Variants in MAPK10 observed in about 807,000 individuals in gnomAD.
MAPK10 encodes mitogen-activated protein kinase 10, also known as JNK3 alpha protein kinase.
In MAPK10, 25 loss-of-function variants were observed where a neutral mutation model predicts 59.3. The observed-to-expected ratio is 0.42, with a 90% CI of 0.31 to 0.59. MAPK10 has a LOEUF of 0.59. Ranked by LOEUF, MAPK10 falls within the 20% of genes least tolerant of loss-of-function variation. The pLI, the probability that MAPK10 is intolerant of heterozygous loss-of-function variation, is 0.15. For synonymous variants in MAPK10, 190 were observed against 200.5 expected (o/e 0.95, Z 0.44); for missense variants, 351 against 568.9 (o/e 0.62, Z 3.90).
intron 1 of MAPK10, among the ~76,000 whole-genome samples, chr4:86,514,077 A>T (rs574213149): frequency 1.7e-4 from 26 of 152,186 alleles, no homozygotes; most frequent in Non-Finnish European, 3.2e-4. Flanking sequence ...AAAGATCCTG[A>T]TCCAAAGGGG....
intron 1 of MAPK10, among the ~76,000 whole-genome samples, chr4:86,420,270 G>A (rs1392822554): frequency 6.6e-6 from 1 of 152,164 alleles, no homozygotes; most frequent in Non-Finnish European, 1.5e-5. Flanking sequence ...ATTTTCCTAA[G>A]TATTGGAATA....
At chr4:86,282,623 A>G (rs1036178298) in intron 2 of MAPK10, among the ~76,000 whole-genome samples, 4 of 152,224 alleles carry the variant, frequency 2.6e-5, no homozygotes, top group Admixed American at 2.6e-4. Flanking sequence ...TGGCACCAAG[A>G]GGGGAAAGAG....
intron 1 of MAPK10, among the ~76,000 whole-genome samples, chr4:86,405,249 C>T (rs2149021225): frequency 6.6e-6 from 1 of 152,190 alleles, no homozygotes; most frequent in East Asian, 1.9e-4. Flanking sequence ...AAGATGATCT[C>T]TCATATTTTA....
At chr4:86,583,335 C>T (rs931890693) in intron 1 of MAPK10, among the ~76,000 whole-genome samples, 4 of 151,932 alleles carry the variant, frequency 2.6e-5, no homozygotes, top group Non-Finnish European at 1.5e-5. Flanking sequence ...CATATATTTT[C>T]AATCCCTTCA....
intron 1 of MAPK10, among the ~76,000 whole-genome samples, chr4:86,559,017 T>G (rs911298361): frequency 3.9e-5 from 6 of 152,196 alleles, no homozygotes; most frequent in African/African-American, 1.4e-4. Flanking sequence ...GAAGACCTGC[T>G]ATAAATCCAG....
chr4:86,549,633 A>G (rs1046026894), intron 1 of MAPK10, among the ~76,000 whole-genome samples: 11 of 152,232 alleles, frequency 7.2e-5, no homozygotes, highest in Non-Finnish European at 1.6e-4. Context: ...CTTTATAAAC[A>G]GGCTGTTTAT....
At chr4:86,554,925 A>G (rs1442543657) in intron 1 of MAPK10, among the ~76,000 whole-genome samples, 1 of 152,144 alleles carries the variant, frequency 6.6e-6, no homozygotes, top group Non-Finnish European at 1.5e-5. Context: ...AACTTCTCAT[A>G]TATCTTTTCA....
intron 1 of MAPK10, among the ~76,000 whole-genome samples, chr4:86,536,773 T>C (rs72665738): frequency 0.23 from 34,392 of 152,200 alleles, 4,628 homozygotes; most frequent in Admixed American, 0.3. Flanking sequence ...CTTTAAATCA[T>C]ACCGCATTCC....
At chr4:86,577,373 AG>A (rs1343003365) in intron 1 of MAPK10, among the ~76,000 whole-genome samples, 2 of 152,162 alleles carry the variant, frequency 1.3e-5, no homozygotes, top group Non-Finnish European at 2.9e-5. Flanking sequence ...GCAAACTAGA[AG>A]GAAAAGGACA....
chr4:86,493,852 A>G (rs1754665782), intron 1 of MAPK10, among the ~76,000 whole-genome samples: 1 of 152,120 alleles, frequency 6.6e-6, no homozygotes, highest in Non-Finnish European at 1.5e-5. Flanking sequence ...TCTTTTTCCA[A>G]TACCCAAGAG....
intron 1 of MAPK10, among the ~76,000 whole-genome samples, chr4:86,407,621 T>C (rs1744523165): frequency 6.6e-6 from 1 of 152,198 alleles, no homozygotes. Flanking sequence ...CCTTAATCTC[T>C]AGATCCCAGT....
intron 4 of MAPK10, among the ~76,000 whole-genome samples, chr4:86,158,418 C>T (rs1419577244): frequency 6.6e-6 from 1 of 151,796 alleles, no homozygotes; most frequent in Non-Finnish European, 1.5e-5. Flanking sequence ...AAATTCATCT[C>T]ATCCCTTAAA....
In MAPK10 at chr4:86,116,166, T is replaced by C. The variant is rs935993567; in HGVS notation, c.237-8814A>G. On this transcript the variant is annotated intron_variant, in intron 4 of 13. Transcript: ENST00000641462. ...AATGGCAATCAGTCATGAAGGCATA[T>C]AAGGGAGTTGGAGAGGCAAACTCTG... 3.9e-5 allele frequency among the ~76,000 whole-genome samples: 6 copies of C among 152,284 alleles called. No individual in the cohort carries two copies. In the South Asian group the frequency reaches 1.0e-3, roughly 26 times the overall value.
intron 1 of MAPK10, among the ~76,000 whole-genome samples, chr4:86,387,481 C>T (rs1263683887): frequency 6.6e-6 from 1 of 152,096 alleles, no homozygotes; most frequent in African/African-American, 2.4e-5. Flanking sequence ...ATCAATTCAC[C>T]CAGAATCTTG....
At position 86,161,846 on chromosome 4, in the gene MAPK10, G is replaced by A. The variant is rs116221214; in HGVS notation, c.67-2379C>T. On this transcript the variant is annotated intron_variant, in intron 3 of 13. Coordinates refer to ENST00000641462, the MANE Select transcript of MAPK10 (RefSeq NM_138982.4). Reference sequence around the variant, plus strand: ...CTGACTTAATGTTGTATTGTGGCACGGCCCTGTGCCTTTGGACTTCACTGT... The same window carrying A: ...CTGACTTAATGTTGTATTGTGGCACAGCCCTGTGCCTTTGGACTTCACTGT... Among the ~76,000 whole-genome samples, 1,047 of 152,038 alleles carry A rather than the reference G, an allele frequency of 6.9e-3. 13 individuals are homozygous for A. Among genetic ancestry groups the A allele is most frequent in the African/African-American group, 0.024 (990 of 41,498 alleles).
intron 3 of MAPK10, chr4:86,194,062 C>G: frequency 2.5e-6 from 1 of 394,024 alleles, no homozygotes; most frequent in Non-Finnish European, 4.6e-6. Context: ...TCAGCTCACC[C>G]TCTGTGGGCT....
chr4:86,146,745 G>A (rs989194082), intron 4 of MAPK10, among the ~76,000 whole-genome samples: 4 of 152,194 alleles, frequency 2.6e-5, no homozygotes, highest in African/African-American at 9.7e-5. Context: ...CCTGATAAAT[G>A]AGAAGAACAC....
In MAPK10 at chr4:86,593,909, C is replaced by A. The variant is rs771049232; in HGVS notation, c.-263+1G>T. The stretch of plus-strand genomic sequence containing the variant: ...AGAGTAAGGGAGGAGCCAGCACTTA[C>A]GCATTTTTCACTCTCCTCCTCACTC... On this transcript the variant is annotated splice_donor_variant, in intron 1 of 4. Coordinates refer to the MAPK10 transcript ENST00000502302. LOFTEE classifies it low-confidence loss of function (5UTR_SPLICE). 6.6e-6 allele frequency: 1 copy of A among 152,212 alleles called. No homozygotes were observed. The highest frequency in any genetic ancestry group is 1.5e-5 in the Non-Finnish European group (1 of 68,050). The allele number at this position is 152,212 out of a possible 1,614,324, so 9.4% of individuals were successfully genotyped here.
chr4:86,139,365 C>T (rs1343075264), intron 4 of MAPK10, among the ~76,000 whole-genome samples: 8 of 151,016 alleles, frequency 5.3e-5, no homozygotes, highest in Non-Finnish European at 1.0e-4. Flanking sequence ...ACAGAGCCCT[C>T]AGAAATAACG....
Sources: allele counts gnomAD v4.1 joint callset (sites outside exome capture counted in the v4.1 genomes callset), GRCh38; gene constraint gnomAD v4.1.1; transcripts MANE v1.5; gene names NCBI Gene and HGNC (gene_info 2026-07-23, HGNC 2026-07-21).